Variants in ZNF264 observed in about 807,000 individuals in gnomAD.
ZNF264 encodes zinc finger protein 264.
Under a neutral mutation model 11.2 loss-of-function variants are expected in ZNF264, and 11 were observed. The observed-to-expected ratio is 0.98, with a 90% CI of 0.62 to 1.63. The LOEUF is 1.63. Ranked by LOEUF, ZNF264 falls within the 40% of genes most tolerant of loss-of-function variation. The probability of loss-of-function intolerance (pLI) is 0.00; values close to 1 mark genes in which losing one functional copy is unlikely to be tolerated. For synonymous variants in ZNF264, 309 were observed against 279.8 expected, an observed-to-expected ratio of 1.10 and a Z score of -1.04; for missense variants, 752 against 768.1, an observed-to-expected ratio of 0.98 and a Z score of 0.25.
In ZNF264 at chr19:57,196,473, A is replaced by G. The variant is rs185066288; in HGVS notation, c.160+2472A>G. Among the ~76,000 whole-genome samples the G allele has an allele frequency of 9.6e-3, 1,466 of 151,986 alleles. 14 individuals carry two copies. Among genetic ancestry groups the G allele is most frequent in the Middle Eastern group, 0.031 (9 of 294 alleles). ...AGGGATGGTTCCATATTGAGGGCTC[A>G]GTGTTGGTCTCTGCTGCTGGCAGAT... On this transcript the variant is annotated intron_variant, in intron 2 of 3. Transcript: ENST00000263095.
At chr19:57,205,088 T>TA (rs996623433) in intron 2 of ZNF264, among the ~76,000 whole-genome samples, 2 of 152,076 alleles carry the variant, frequency 1.3e-5, no homozygotes, top group South Asian at 2.1e-4. Context: ...GCTTAGGATG[T>TA]AAAAAAAATA....
At chr19:57,200,302 A>G (rs2087242021) in intron 2 of ZNF264, among the ~76,000 whole-genome samples, 1 of 151,798 alleles carries the variant, frequency 6.6e-6, no homozygotes, top group African/African-American at 2.4e-5. Context: ...AGCTGGGGAC[A>G]CTGAGCTTGT....
chr19:57,194,980 C>A (rs1254204918), intron 2 of ZNF264: 1 of 383,842 alleles, frequency 2.6e-6, no homozygotes, highest in African/African-American at 2.1e-5. Flanking sequence ...GTCAAGTGTC[C>A]GTTTCAAGTG....
In ZNF264 at chr19:57,213,036, T is replaced by G; in HGVS notation, c.*55T>G. 4.6e-6 allele frequency: 7 copies of G among 1,533,876 alleles called. No individual in the cohort carries two copies. Among genetic ancestry groups the G allele is most frequent in the Non-Finnish European group, 6.2e-6 (7 of 1,135,284 alleles). ...TCATCTGAAGAGTCATATTAGAAATTCGTTCAGTCTAGAGCCTTATTCTCC... is the reference window on the plus strand; with the variant it reads ...TCATCTGAAGAGTCATATTAGAAATGCGTTCAGTCTAGAGCCTTATTCTCC... On this transcript the variant is annotated 3_prime_UTR_variant, in exon 4 of 4. Coordinates refer to ENST00000263095, the MANE Select transcript of ZNF264 (RefSeq NM_003417.5).
rs1165838612 is a variant in ZNF264 at position 57,211,958 on chromosome 19, C to T, written c.861C>T (p.Tyr287=). 4.3e-6 allele frequency: 7 copies of T among 1,613,568 alleles called. No homozygotes were observed. Among genetic ancestry groups the T allele is most frequent in the Non-Finnish European group, 5.1e-6 (6 of 1,179,934 alleles). Residue 287 remains tyrosine (Y), a synonymous_variant, in exon 4 of 4, where the codon TAC becomes TAT. Coordinates refer to ENST00000263095, the MANE Select transcript of ZNF264 (RefSeq NM_003417.5). The stretch of plus-strand genomic sequence containing the variant: ...GGATTCACAGTGGAGAGAAGCCTTA[C>T]AAGTGCAATGAATGCGGAAAGGCCT... ...HQRIHSGEKP[Y]KCNECGKAFT... is the part of the protein sequence containing the mutation.
At chr19:57,202,889 G>T (rs1482344343) in intron 2 of ZNF264, among the ~76,000 whole-genome samples, 1 of 149,520 alleles carries the variant, frequency 6.7e-6, no homozygotes, top group South Asian at 2.1e-4. Context: ...TGACTGGAGT[G>T]CAGGGTGGGG....
At chr19:57,204,737 C>T (rs2087279147) in intron 2 of ZNF264, among the ~76,000 whole-genome samples, 1 of 152,176 alleles carries the variant, frequency 6.6e-6, no homozygotes, top group Admixed American at 6.5e-5. Context: ...ACGCTGTGTG[C>T]AGGGAGCCAT....
chr19:57,201,960 C>G (rs2087256519), intron 2 of ZNF264, among the ~76,000 whole-genome samples: 1 of 151,708 alleles, frequency 6.6e-6, no homozygotes, highest in African/African-American at 2.4e-5. Flanking sequence ...GCCTGTAGTC[C>G]CAGCAGTATG....
rs1462079015 is a variant in ZNF264, at chr19:57,212,626, C to T, written c.1529C>T (p.Pro510Leu). 1.2e-6 allele frequency: 2 copies of T among 1,614,118 alleles called. No individual in the cohort carries two copies. Among genetic ancestry groups the T allele is most frequent in the African/African-American group, 1.3e-5 (1 of 75,028 alleles). Residue 510 changes from proline to leucine, a missense_variant, in exon 4 of 4, where the codon CCC becomes CTC. By Grantham distance (98) the Pro-to-Leu change is moderately conservative. Coordinates refer to ENST00000263095, the MANE Select transcript of ZNF264 (RefSeq NM_003417.5). ...RHKRIHSGEKPYECVECGKSF... is the reference protein window; with the variant it reads ...RHKRIHSGEKLYECVECGKSF... Reference sequence around the variant, plus strand: ...AAGCGGATTCATAGTGGAGAGAAGCCCTATGAATGTGTTGAGTGTGGGAAA... The same window carrying T: ...AAGCGGATTCATAGTGGAGAGAAGCTCTATGAATGTGTTGAGTGTGGGAAA...
At position 57,212,619 on chromosome 19, in the gene ZNF264, G is replaced by C. The variant is rs2122767740; in HGVS notation, c.1522G>C (p.Glu508Gln). 2 of 1,614,152 alleles carry C rather than the reference G, an allele frequency of 1.2e-6. No homozygotes were observed. The highest frequency in any genetic ancestry group is 1.7e-6 in the Non-Finnish European group (2 of 1,180,036). The change falls in exon 4 of 4, where the codon GAG becomes CAG. Residue 508 changes from glutamate (E) to glutamine (Q), a missense_variant. Coordinates refer to ENST00000263095, the MANE Select transcript of ZNF264 (RefSeq NM_003417.5). ...GAGGCACAAGCGGATTCATAGTGGA[G>C]AGAAGCCCTATGAATGTGTTGAGTG... ...LTRHKRIHSG[E>Q]KPYECVECGK...
rs148405145 is a variant in ZNF264, at chr19:57,196,075, A to G, written c.160+2074A>G. Among the ~76,000 whole-genome samples, 183 of 151,958 alleles carry G rather than the reference A, an allele frequency of 1.2e-3. 1 individual carries two copies. Among genetic ancestry groups the G allele is most frequent in the South Asian group, 7.7e-3 (37 of 4,828 alleles). ...CTGGAGAACTTTGCCCCAGCCCTGC[A>G]AAGTATTGTCACTAGTTGGAGTAAT... is the stretch of plus-strand genomic sequence containing the variant. On this transcript the variant is annotated intron_variant, in intron 2 of 3. Transcript: ENST00000263095.
chr19:57,191,971 T>C, intron 1 of ZNF264, 25 bp downstream of exon 1: 1 of 1,525,620 alleles, frequency 6.6e-7, no homozygotes, highest in South Asian at 1.2e-5. Flanking sequence ...GCTTCGCGGT[T>C]GCCGCTTCCT....
intron 1 of ZNF264, chr19:57,193,423 A>C: frequency 1.2e-6 from 1 of 813,718 alleles, no homozygotes; most frequent in Non-Finnish European, 1.5e-6. Flanking sequence ...CTTTGAGGTA[A>C]GAGCTGTCAA....
At chr19:57,205,191 A>G (rs79667351) in intron 2 of ZNF264, among the ~76,000 whole-genome samples, 5,749 of 152,280 alleles carry the variant, frequency 0.038, 372 homozygotes, top group African/African-American at 0.13. Context: ...AAGATACTCT[A>G]TCAGTATTCA....
At position 57,219,765 on chromosome 19, in the gene ZNF264, A is replaced by G. The variant is rs1039089666; in HGVS notation, c.*6784A>G. 1.3e-5 allele frequency: 2 copies of G among 152,352 alleles called. No homozygotes were observed. The highest frequency in any genetic ancestry group is 2.1e-4 in the South Asian group (1 of 4,832). The allele number at this position is 152,352 out of a possible 1,614,324, so 9.4% of individuals were successfully genotyped here. A position where few individuals can be genotyped will look rare whatever the true frequency, so the allele number is the denominator to read the frequency against. On this transcript the variant is annotated 3_prime_UTR_variant, in exon 4 of 4. Transcript: ENST00000263095. ...TTCCTGCTGAAGACATTTACTTTCA[A>G]TGATCTACAGAATTTCCCAAATCTA...
In ZNF264 at chr19:57,212,398, A is replaced by G. The variant is rs776948876; in HGVS notation, c.1301A>G (p.Lys434Arg). The G allele has an allele frequency of 3.1e-6, 5 of 1,614,198 alleles. No homozygotes were observed. The highest frequency in any genetic ancestry group is 4.2e-6 in the Non-Finnish European group (5 of 1,180,028). ...EKPFVCSECG[K>R]AFTHCSTFIL... ...CCCTTCGTGTGCAGTGAATGTGGAA[A>G]GGCCTTCACCCACTGCTCTACTTTT... The change falls in exon 4 of 4, where the codon AAG becomes AGG. Residue 434 changes from lysine (K) to arginine (R), a missense_variant. Physicochemically the swap from Lys to Arg is conservative, Grantham distance 26. Coordinates refer to ENST00000263095, the MANE Select transcript of ZNF264 (RefSeq NM_003417.5).
intron 1 of ZNF264, among the ~76,000 whole-genome samples, chr19:57,193,298 A>C (rs1391291594): frequency 6.6e-6 from 1 of 152,232 alleles, no homozygotes; most frequent in Non-Finnish European, 1.5e-5. Context: ...TGAAAGGATT[A>C]ATAAAAATCC....
chr19:57,200,618 GTTTTCTTTTC>G (rs1210442775), intron 2 of ZNF264, among the ~76,000 whole-genome samples: 1 of 149,546 alleles, frequency 6.7e-6, no homozygotes, highest in East Asian at 2.0e-4. Flanking sequence ...CTTTTCTTTC[GTTTTCTTTTC>G]TTTTCTTTTT....
intron 1 of ZNF264, 150 bp downstream of exon 1, chr19:57,192,096 C>G: frequency 2.5e-6 from 2 of 801,814 alleles, no homozygotes; most frequent in East Asian, 3.4e-5. Context: ...TAATTTATAC[C>G]TGGCCGTAAG....
Sources: allele counts gnomAD v4.1 joint callset (sites outside exome capture counted in the v4.1 genomes callset), GRCh38; gene constraint gnomAD v4.1.1; transcripts MANE v1.5; gene names NCBI Gene and HGNC (gene_info 2026-07-23, HGNC 2026-07-21).